The following RAD54B variants were observed in gnomAD, a reference collection of about 807,000 sequenced individuals.
RAD54B encodes RAD54 homolog B, also known as DNA repair and recombination protein RAD54B.
In RAD54B, 78 loss-of-function variants were observed where a neutral mutation model predicts 95.8. The observed-to-expected ratio is 0.81, with a 90% CI of 0.68 to 0.98. The LOEUF (loss-of-function observed/expected upper bound fraction) is 0.98, where lower values mean the gene tolerates loss of function less well. RAD54B is among the 50% of genes least tolerant of loss of function. The pLI, the probability that RAD54B is intolerant of heterozygous loss-of-function variation, is 0.00. For synonymous variants in RAD54B, 328 were observed against 354.9 expected (o/e 0.92, Z 0.85); for missense variants, 957 against 1,056.6 (o/e 0.91, Z 1.31).
Position 94,397,038 on chromosome 8 carries a change from G to A in RAD54B, c.1378+2376C>T, listed in dbSNP as rs905864466. Reference sequence around the variant, plus strand: ...GAGAACTGTGAGAAAATAAATGTCTGTTGTTTAGTCTGTGGTCTTTTGCTA... The same window carrying A: ...GAGAACTGTGAGAAAATAAATGTCTATTGTTTAGTCTGTGGTCTTTTGCTA... On this transcript the variant is annotated intron_variant, in intron 8 of 14. Coordinates refer to ENST00000336148, the MANE Select transcript of RAD54B (RefSeq NM_012415.3). 2.0e-5 allele frequency among the ~76,000 whole-genome samples: 3 copies of A among 152,108 alleles called. No homozygotes were observed. In the South Asian group the frequency reaches 6.2e-4, roughly 32 times the overall value.
intron 12 of RAD54B, among the ~76,000 whole-genome samples, chr8:94,378,908 G>A (rs1332812347): frequency 2.6e-5 from 4 of 152,208 alleles, no homozygotes; most frequent in Admixed American, 6.5e-5. Context: ...GGGACAGTGA[G>A]TATGGACAGC....
At chr8:94,377,955 G>A (rs1310184432) in intron 14 of RAD54B, among the ~76,000 whole-genome samples, 2 of 131,216 alleles carry the variant, frequency 1.5e-5, no homozygotes, top group South Asian at 2.6e-4. Flanking sequence ...CAGCCTGGGC[G>A]ACAGAGCGAG....
intron 3 of RAD54B, among the ~76,000 whole-genome samples, chr8:94,435,907 TTTAG>T (rs1812244759): frequency 6.6e-6 from 1 of 152,142 alleles, no homozygotes; most frequent in African/African-American, 2.4e-5. Context: ...ATTAACTCCC[TTTAG>T]TTGTGTTCAT....
intron 3 of RAD54B, chr8:94,436,523 G>C: frequency 6.5e-7 from 1 of 1,549,840 alleles, no homozygotes; most frequent in Middle Eastern, 1.7e-4. Flanking sequence ...TCTCTTACCA[G>C]GCAAAAACTG....
chr8:94,422,711 C>T (rs1811852854), intron 3 of RAD54B, among the ~76,000 whole-genome samples: 1 of 120,320 alleles, frequency 8.3e-6, no homozygotes, highest in East Asian at 2.6e-4. Flanking sequence ...ATTCTAAATC[C>T]AGTTTCAGAA....
At chr8:94,470,706 T>C (rs1401573012) in intron 1 of RAD54B, among the ~76,000 whole-genome samples, 1 of 150,532 alleles carries the variant, frequency 6.6e-6, no homozygotes. Context: ...TGCAGTAAGC[T>C]GAGATCGCAC....
intron 3 of RAD54B, among the ~76,000 whole-genome samples, chr8:94,453,403 T>C (rs1008277530): frequency 6.6e-6 from 1 of 152,134 alleles, no homozygotes; most frequent in South Asian, 2.1e-4. Flanking sequence ...TGATGGCAGG[T>C]GCCGTAATCC....
Position 94,394,190 on chromosome 8 carries a change from C to T in RAD54B, c.1379-308G>A, listed in dbSNP as rs184855628. Among the ~76,000 whole-genome samples the T allele has an allele frequency of 5.8e-3, 876 of 152,252 alleles. 6 individuals carry two copies. Among genetic ancestry groups the T allele is most frequent in the Admixed American group, 0.011 (161 of 15,294 alleles). On this transcript the variant is annotated intron_variant, in intron 8 of 14. Transcript: ENST00000336148. ...AAATCCTACCTGCATCACTTACTCCCTGAGTGACCCTGAGAAAGTTATTTA... is the reference window on the plus strand; with the variant it reads ...AAATCCTACCTGCATCACTTACTCCTTGAGTGACCCTGAGAAAGTTATTTA...
chr8:94,464,228 G>T (rs1371882240), intron 2 of RAD54B, among the ~76,000 whole-genome samples: 1 of 152,118 alleles, frequency 6.6e-6, no homozygotes, highest in Non-Finnish European at 1.5e-5. Flanking sequence ...GATTACCCAG[G>T]TGGGCCTAAC....
chr8:94,398,124 A>C (rs769609624), intron 8 of RAD54B, among the ~76,000 whole-genome samples: 2 of 152,036 alleles, frequency 1.3e-5, no homozygotes, highest in Non-Finnish European at 1.5e-5. Flanking sequence ...CCACTTCACT[A>C]TTACTGACAA....
chr8:94,429,663 A>T (rs568112224), intron 3 of RAD54B: 11 of 983,706 alleles, frequency 1.1e-5, no homozygotes, highest in African/African-American at 1.7e-5. Context: ...TACAAGATTC[A>T]TTAGACTCAA....
chr8:94,400,095 C>T, intron 7 of RAD54B, 143 bp downstream of exon 7: 1 of 672,592 alleles, frequency 1.5e-6, no homozygotes, highest in East Asian at 2.7e-5. Flanking sequence ...ACATTCAGTC[C>T]ATAACAACTC....
rs145642488 is a variant in RAD54B, at chr8:94,400,411, T to C, written c.997A>G (p.Thr333Ala). Residue 333 changes from threonine to alanine, a missense_variant, in exon 7 of 15, where the codon ACA (threonine) becomes GCA (alanine). Thr to Ala is a moderately conservative substitution (Grantham distance 58, BLOSUM62 0). Transcript: ENST00000336148. ...CAGATGAGCGAAATACATTGCAATGTCTTCCCTAAACCCATTTCATCAGCA... is the reference window on the plus strand; with the variant it reads ...CAGATGAGCGAAATACATTGCAATGCCTTCCCTAAACCCATTTCATCAGCA... ...ILADEMGLGK[T>A]LQCISLIWTL... 34 of 1,613,690 alleles carry C rather than the reference T, an allele frequency of 2.1e-5. No individual in the cohort carries two copies. Among genetic ancestry groups the C allele is most frequent in the Non-Finnish European group, 2.7e-5 (32 of 1,179,846 alleles).
intron 3 of RAD54B, among the ~76,000 whole-genome samples, chr8:94,424,037 T>C (rs748264085): frequency 6.6e-6 from 1 of 152,144 alleles, no homozygotes; most frequent in South Asian, 2.1e-4. Flanking sequence ...AGAGAATGGA[T>C]GTTATGTCCA....
At chr8:94,441,089 C>T (rs1439025654) in intron 3 of RAD54B, among the ~76,000 whole-genome samples, 1 of 149,154 alleles carries the variant, frequency 6.7e-6, no homozygotes, top group African/African-American at 2.6e-5. Flanking sequence ...TTCACTCTGA[C>T]CACCGGTGCA....
chr8:94,415,829 C>T (rs377312907), intron 3 of RAD54B, among the ~76,000 whole-genome samples: 4 of 150,458 alleles, frequency 2.7e-5, no homozygotes, highest in South Asian at 2.1e-4. Context: ...TACCATCTCA[C>T]ACCAGTTAGA....
rs1347398993 is a variant in RAD54B at position 94,372,131 on chromosome 8, T to C, written c.*39A>G. On this transcript the variant is annotated 3_prime_UTR_variant, in exon 15 of 15. Transcript: ENST00000336148. ...GTACATTTAATTACCATACTAATTT[T>C]CAAAAGAAGAGCAATGGAATGTCAG... 6.5e-7 allele frequency: 1 copy of C among 1,546,076 alleles called. No individual in the cohort carries two copies. Among genetic ancestry groups the C allele is most frequent in the South Asian group, 1.3e-5 (1 of 79,074 alleles).
chr8:94,428,214 AT>A (rs1458573020), intron 3 of RAD54B: 2 of 862,814 alleles, frequency 2.3e-6, no homozygotes, highest in East Asian at 2.4e-4. Flanking sequence ...CAAATGTAGT[AT>A]ATTTCTACAG....
At position 94,393,802 on chromosome 8, in the gene RAD54B, A is replaced by G. The variant is rs1249669727; in HGVS notation, c.1459T>C (p.Ser487Pro). ...GGTTCTTCATATATTTTCCTATAAG[A>G]TGACAAAGAGCCTAATATTCCTGGA... ...VNPGILGSLS[S>P]YRKIYEEPII... Residue 487 changes from serine (S) to proline (P), a missense_variant, in exon 9 of 15, where the codon TCT becomes CCT. Coordinates refer to ENST00000336148, the MANE Select transcript of RAD54B (RefSeq NM_012415.3). The G allele has an allele frequency of 6.3e-7, 1 of 1,585,568 alleles. No individual in the cohort carries two copies. The highest frequency in any genetic ancestry group is 2.2e-5 in the East Asian group (1 of 44,620).
Sources: allele counts gnomAD v4.1 joint callset (sites outside exome capture counted in the v4.1 genomes callset), GRCh38; gene constraint gnomAD v4.1.1; transcripts MANE v1.5; gene names NCBI Gene and HGNC (gene_info 2026-07-23, HGNC 2026-07-21).